SLC2A7: variants seen among roughly 807,000 people sequenced by gnomAD.
SLC2A7 encodes solute carrier family 2 member 7.
A neutral mutation model predicts 50.5 loss-of-function variants in SLC2A7; 50 were observed. The observed-to-expected ratio is 0.99, with a 90% CI of 0.79 to 1.25. SLC2A7 has a LOEUF of 1.25. Among genes scored for constraint, SLC2A7 ranks in the 50% most tolerant of loss-of-function variants. The pLI is 0.00. For synonymous variants in SLC2A7, 308 were observed against 300.4 expected (o/e 1.03, Z -0.26); for missense variants, 683 against 679.1 (o/e 1.01, Z -0.06).
intron 2 of SLC2A7, 98 bp downstream of exon 2, chr1:9,024,878 C>G (rs1640971380): frequency 1.6e-5 from 22 of 1,388,246 alleles, no homozygotes; most frequent in Non-Finnish European, 2.2e-5. Context: ...CTCCTACAGG[C>G]AAGATGGCAG....
At chr1:9,014,935 C>T (rs1640806346) in intron 6 of SLC2A7, 67 bp from the exon 7 acceptor site, 3 of 1,513,982 alleles carry the variant, frequency 2.0e-6, no homozygotes, top group African/African-American at 1.4e-5. Context: ...AGCCCCCATG[C>T]TGGCCCTGAG....
the SLC2A7 span, among the ~76,000 whole-genome samples, chr1:8,997,719 A>G: frequency 6.6e-6 from 1 of 152,158 alleles, no homozygotes; most frequent in Non-Finnish European, 1.5e-5. Context: ...TTTCTTATGC[A>G]TTGTACATTT....
chr1:8,996,272 A>G, the SLC2A7 span, among the ~76,000 whole-genome samples: 1 of 152,094 alleles, frequency 6.6e-6, no homozygotes, highest in Non-Finnish European at 1.5e-5. Flanking sequence ...GAAATAATAT[A>G]GTAGGCACTT....
intron 3 of SLC2A7, among the ~76,000 whole-genome samples, chr1:9,020,568 G>A (rs979640984): frequency 2.9e-4 from 9 of 30,594 alleles, no homozygotes; most frequent in African/African-American, 7.6e-4. Flanking sequence ...CCACCCCCCC[G>A]CCTTTGGCTT....
downstream of SLC2A7, among the ~76,000 whole-genome samples, chr1:9,001,440 T>TC (rs1640570975): frequency 6.7e-6 from 1 of 149,198 alleles, no homozygotes. Flanking sequence ...TTTTTTTTTT[T>TC]AGACAGGGTC....
At chr1:9,015,891 T>C (rs373798672) in intron 5 of SLC2A7, among the ~76,000 whole-genome samples, 2 of 48,016 alleles carry the variant, frequency 4.2e-5, no homozygotes, top group Non-Finnish European at 7.5e-5. Context: ...ACCTGGCTCA[T>C]TTTTTTTTTT....
chr1:8,995,402 C>T, the SLC2A7 span, among the ~76,000 whole-genome samples: 79 of 148,786 alleles, frequency 5.3e-4, no homozygotes, highest in African/African-American at 1.7e-3. Flanking sequence ...GAACTGAGAT[C>T]GCGCCACTGC....
chr1:9,011,480 C>T (rs1270863576), intron 8 of SLC2A7, among the ~76,000 whole-genome samples: 1 of 152,030 alleles, frequency 6.6e-6, no homozygotes, highest in Non-Finnish European at 1.5e-5. Flanking sequence ...ATAGTAAGAC[C>T]CTGTCTCTAT....
At position 9,014,606 on chromosome 1, in the gene SLC2A7, T is replaced by C. The variant is rs1222875012; in HGVS notation, c.903+75A>G. The C allele has an allele frequency of 4.6e-6, 7 of 1,522,882 alleles. No homozygotes were observed. The Admixed American group carries it at 1.5e-4, about 33-fold the overall frequency. The allele number at this position is 1,522,882 out of a possible 1,614,324, so 94.3% of individuals were successfully genotyped here. Reference sequence around the variant, plus strand: ...CACTGCCAGGCCAGGCCTCTGTGGGTGGAACTGTGTGTTGCTATCCATGAA... The same window carrying C: ...CACTGCCAGGCCAGGCCTCTGTGGGCGGAACTGTGTGTTGCTATCCATGAA... On this transcript the variant is annotated intron_variant, in intron 7 of 11. Coordinates refer to ENST00000400906, the MANE Select transcript of SLC2A7 (RefSeq NM_207420.3).
intron 3 of SLC2A7, among the ~76,000 whole-genome samples, chr1:9,021,722 T>G (rs1640915280): frequency 6.6e-6 from 1 of 152,144 alleles, no homozygotes; most frequent in Non-Finnish European, 1.5e-5. Context: ...CCAAAAAGAC[T>G]AAGCAGCCCC....
At position 9,015,531 on chromosome 1, in the gene SLC2A7, C is replaced by T. The variant is rs111688418; in HGVS notation, c.590-289G>A. ...GAAAATGAGCTCAGTCTTGTTCCTA[C>T]TTTTATAGCAGGAAAGGGGATAATC... On this transcript the variant is annotated intron_variant, in intron 5 of 11. Transcript: ENST00000400906. Among the ~76,000 whole-genome samples the T allele has an allele frequency of 8.5e-5, 13 of 152,214 alleles. 3 individuals are homozygous for T. Among genetic ancestry groups the T allele is most frequent in the African/African-American group, 2.4e-4 (10 of 41,558 alleles).
intron 3 of SLC2A7, among the ~76,000 whole-genome samples, chr1:9,020,067 C>T (rs1640890096): frequency 6.6e-6 from 1 of 152,168 alleles, no homozygotes; most frequent in Non-Finnish European, 1.5e-5. Context: ...AGATAAATGT[C>T]TGTTGTTTAA....
At position 9,026,396 on chromosome 1, in the gene SLC2A7, C is replaced by G; in HGVS notation, c.-51G>C. On this transcript the variant is annotated 5_prime_UTR_variant, in exon 1 of 12. Transcript: ENST00000400906. ...TGCTCTACCTCCCAAGTGACACCTG[C>G]TCTGCGCCAGCCACCTAAAGACCGG... 1 of 1,532,446 alleles carries G rather than the reference C, an allele frequency of 6.5e-7. No homozygotes were observed. The highest frequency in any genetic ancestry group is 8.8e-7 in the Non-Finnish European group (1 of 1,130,648). The allele number at this position is 1,532,446 out of a possible 1,614,324, so 94.9% of individuals were successfully genotyped here.
rs750257792 is a variant in SLC2A7 at position 9,018,279 on chromosome 1, A to G, written c.533T>C (p.Val178Ala). The change falls in exon 5 of 12, where the codon GTT becomes GCT. Residue 178 changes from valine (V) to alanine (A), a missense_variant. Val to Ala is a moderately conservative substitution (Grantham distance 64, BLOSUM62 0). Transcript: ENST00000400906. Reference sequence around the variant, plus strand: ...GAAGATCTGTGCTAGGAAGACTCCAACGATGACGAAAACCTCGGTCATTGT... The same window carrying G: ...GAAGATCTGTGCTAGGAAGACTCCAGCGATGACGAAAACCTCGGTCATTGT... Reference protein sequence around the residue: ...VGTMTEVFVIVGVFLAQIFSL... With the variant: ...VGTMTEVFVIAGVFLAQIFSL... The G allele has an allele frequency of 1.9e-6, 3 of 1,614,164 alleles. No individual in the cohort carries two copies. Among genetic ancestry groups the G allele is most frequent in the Admixed American group, 1.7e-5 (1 of 60,008 alleles).
chr1:8,994,408 G>A, the SLC2A7 span, among the ~76,000 whole-genome samples: 4 of 152,212 alleles, frequency 2.6e-5, no homozygotes, highest in East Asian at 1.9e-4. Flanking sequence ...GACAGTGGCC[G>A]GCAGCGTGAC....
intron 4 of SLC2A7, among the ~76,000 whole-genome samples, 198 bp from the exon 5 acceptor site, chr1:9,018,573 C>A (rs1640866723): frequency 6.6e-6 from 1 of 152,242 alleles, no homozygotes; most frequent in Admixed American, 6.5e-5. Context: ...ACGGGGGAGT[C>A]ACCAGGATGT....
At chr1:9,002,219 C>T (rs1055268440), downstream of SLC2A7, among the ~76,000 whole-genome samples, 19 of 152,080 alleles carry the variant, frequency 1.2e-4, no homozygotes, top group Admixed American at 4.6e-4. Flanking sequence ...AAGACCTGAC[C>T]GTCCCCCAGC....
rs1268123439 is a variant in SLC2A7 at position 9,010,249 on chromosome 1, A to C, written c.1015-5T>G. The C allele has an allele frequency of 1.3e-6, 2 of 1,550,258 alleles. No individual in the cohort carries two copies. The highest frequency in any genetic ancestry group is 2.7e-5 in the African/African-American group (2 of 73,026). ...CAGCCGCTCCACAAGGACAGCCTGG[A>C]GGGGAAGGGGGACAGTGAGAAGCCG... On this transcript the variant is annotated splice_region_variant and splice_polypyrimidine_tract_variant and intron_variant, in intron 8 of 11. Transcript: ENST00000400906.
chr1:9,015,770 C>T (rs1640821157), intron 5 of SLC2A7, among the ~76,000 whole-genome samples: 1 of 150,582 alleles, frequency 6.6e-6, no homozygotes, highest in Non-Finnish European at 1.5e-5. Flanking sequence ...ATCAGCCAAG[C>T]CGAAGTGCAA....
Sources: gnomAD v4.1 joint callset for allele counts (sites outside exome capture counted in the v4.1 genomes callset) on GRCh38, gnomAD v4.1.1 for gene constraint, MANE v1.5 for transcripts, NCBI Gene and HGNC (gene_info 2026-07-23, HGNC 2026-07-21) for gene names.